SNX18: variants seen among roughly 807,000 people sequenced by gnomAD.
SNX18 encodes sorting nexin 18.
A neutral mutation model predicts 48.7 loss-of-function variants in SNX18; 35 were observed. The ratio of observed to expected loss-of-function variants is 0.72; its 90% CI spans 0.55 to 0.95. The LOEUF is 0.95. SNX18 is among the 40% of genes least tolerant of loss of function. The pLI, the probability that SNX18 is intolerant of heterozygous loss-of-function variation, is 0.00. For synonymous variants in SNX18, 492 were observed against 384.7 expected (o/e 1.28, Z -3.26); for missense variants, 824 against 871.0 (o/e 0.95, Z 0.68).
the SNX18 span, among the ~76,000 whole-genome samples, chr5:54,633,041 G>C: frequency 6.6e-6 from 1 of 152,056 alleles, no homozygotes; most frequent in African/African-American, 2.4e-5. Flanking sequence ...CCAAAGTGCT[G>C]GGATTACAGG....
chr5:54,644,933 T>C, the SNX18 span: 1 of 152,232 alleles, frequency 6.6e-6, no homozygotes, highest in Non-Finnish European at 1.5e-5. Flanking sequence ...TCTTACTTTA[T>C]GGACCAAGAG....
At chr5:54,591,442 T>C in the SNX18 span, among the ~76,000 whole-genome samples, 1 of 152,190 alleles carries the variant, frequency 6.6e-6, no homozygotes, top group African/African-American at 2.4e-5. Flanking sequence ...CCTCCTGCCT[T>C]GGCCTCCCAA....
At chr5:54,636,235 C>A in the SNX18 span, among the ~76,000 whole-genome samples, 2 of 152,168 alleles carry the variant, frequency 1.3e-5, no homozygotes, top group African/African-American at 4.8e-5. Context: ...CAGGCCCATT[C>A]AGAAGTGGGC....
In SNX18 at chr5:54,519,528, CA is replaced by C; in HGVS notation, c.1577del (p.Gln526ArgfsTer64). On this transcript the variant is annotated frameshift_variant, in exon 1 of 2. Coordinates refer to ENST00000381410, the MANE Select transcript of SNX18 (RefSeq NM_001102575.2). LOFTEE classifies it high-confidence loss of function. ...CGTCATGGACCTATTAGCGCTGTAT[CA>C]GGGGCATCTGGCTAACTTCCCGGAC... ...DPVMDLLALY[Q>X]GHLANFPDII... The C allele has an allele frequency of 6.2e-7, 1 of 1,614,224 alleles. No individual in the cohort carries two copies. Among genetic ancestry groups the C allele is most frequent in the Non-Finnish European group, 8.5e-7 (1 of 1,180,036 alleles).
the SNX18 span, among the ~76,000 whole-genome samples, chr5:54,641,266 A>G: frequency 3.9e-5 from 6 of 152,222 alleles, no homozygotes; most frequent in Non-Finnish European, 7.3e-5. Context: ...TTGTTGTCAT[A>G]TCCTGATAAA....
the SNX18 span, among the ~76,000 whole-genome samples, chr5:54,589,406 C>T: frequency 1.3e-5 from 2 of 152,170 alleles, no homozygotes; most frequent in African/African-American, 4.8e-5. Flanking sequence ...CTTTTCTCCC[C>T]TCACCACACA....
chr5:54,584,688 A>T, the SNX18 span, among the ~76,000 whole-genome samples: 5 of 152,178 alleles, frequency 3.3e-5, no homozygotes, highest in Admixed American at 3.3e-4. Flanking sequence ...ATAATTATAG[A>T]TTACATGGCA....
the SNX18 span, among the ~76,000 whole-genome samples, chr5:54,603,134 A>G: frequency 6.6e-6 from 1 of 151,678 alleles, no homozygotes; most frequent in Non-Finnish European, 1.5e-5. Flanking sequence ...TCTGCGTATA[A>G]TTTATTTCAT....
At chr5:54,591,486 C>A in the SNX18 span, among the ~76,000 whole-genome samples, 1 of 152,200 alleles carries the variant, frequency 6.6e-6, no homozygotes, top group East Asian at 1.9e-4. Context: ...CCACCATGCT[C>A]AGCCTGTCTT....
rs1561111400 is a variant in SNX18, at chr5:54,518,860, CGCACACGCAGGTGCCGGT to C, written c.912_929del (p.Thr305_His310del). On this transcript the variant is annotated inframe_deletion, in exon 1 of 2. Coordinates refer to ENST00000381410, the MANE Select transcript of SNX18 (RefSeq NM_001102575.2). The stretch of plus-strand genomic sequence containing the variant: ...TACATCTCCTACAAGCTGGTGCCCA[CGCACACGCAGGTGCCGGT>C]GCATCGGCGCTACAAGCACTTCGAC... 1 of 1,612,972 alleles carries C rather than the reference CGCACACGCAGGTGCCGGT, an allele frequency of 6.2e-7. No homozygotes were observed. The highest frequency in any genetic ancestry group is 1.7e-5 in the Admixed American group (1 of 59,938).
At chr5:54,641,125 ACT>A in the SNX18 span, among the ~76,000 whole-genome samples, 3 of 152,002 alleles carry the variant, frequency 2.0e-5, no homozygotes, top group African/African-American at 7.2e-5. Flanking sequence ...TGGTCCCGTA[ACT>A]CTGTTTCTTT....
At chr5:54,528,690 A>G (rs2112845323) in intron 1 of SNX18, among the ~76,000 whole-genome samples, 1 of 152,338 alleles carries the variant, frequency 6.6e-6, no homozygotes, top group South Asian at 2.1e-4. Flanking sequence ...GACATGCACC[A>G]TGATGTGAAG....
the SNX18 span, among the ~76,000 whole-genome samples, chr5:54,567,123 T>G: frequency 1.3e-5 from 2 of 152,152 alleles, no homozygotes; most frequent in Non-Finnish European, 2.9e-5. Flanking sequence ...ACAATCAAAT[T>G]TTGCTAGCTT....
At chr5:54,611,208 A>G in the SNX18 span, among the ~76,000 whole-genome samples, 4 of 152,020 alleles carry the variant, frequency 2.6e-5, no homozygotes, top group Non-Finnish European at 5.9e-5. Context: ...TCCCTGAGAG[A>G]TATATTTTAA....
the SNX18 span, among the ~76,000 whole-genome samples, chr5:54,580,757 A>G: frequency 3.9e-5 from 6 of 152,244 alleles, no homozygotes; most frequent in Non-Finnish European, 7.3e-5. Flanking sequence ...GAAGAATAAA[A>G]CACAATCTCT....
chr5:54,525,578 G>A (rs1331725615), intron 1 of SNX18, among the ~76,000 whole-genome samples: 2 of 152,192 alleles, frequency 1.3e-5, no homozygotes, highest in Non-Finnish European at 1.5e-5. Context: ...TGGGATAAAT[G>A]TAGATGTTGT....
At chr5:54,558,513 G>A in the SNX18 span, among the ~76,000 whole-genome samples, 1 of 152,258 alleles carries the variant, frequency 6.6e-6, no homozygotes, top group Non-Finnish European at 1.5e-5. Context: ...CTATTCAGAG[G>A]GCTGGGAAAG....
At chr5:54,570,471 A>G in the SNX18 span, among the ~76,000 whole-genome samples, 1 of 152,252 alleles carries the variant, frequency 6.6e-6, no homozygotes, top group South Asian at 2.1e-4. Flanking sequence ...CCATCATTTC[A>G]TAAGTGCACA....
chr5:54,564,824 C>T, the SNX18 span, among the ~76,000 whole-genome samples: 1 of 152,186 alleles, frequency 6.6e-6, no homozygotes, highest in African/African-American at 2.4e-5. Flanking sequence ...CGCCACTGCT[C>T]TCCAGCCTAG....
Sources: allele counts gnomAD v4.1 joint callset (sites outside exome capture counted in the v4.1 genomes callset), GRCh38; gene constraint gnomAD v4.1.1; transcripts MANE v1.5; gene names NCBI Gene and HGNC (gene_info 2026-07-23, HGNC 2026-07-21).